PPARA: variants seen among roughly 807,000 people sequenced by gnomAD.
The protein encoded by PPARA is peroxisome proliferator activated receptor alpha, also known as peroxisome proliferator-activated receptor alpha.
In PPARA, 22 loss-of-function variants were observed where a neutral mutation model predicts 42.2. The ratio of observed to expected loss-of-function variants is 0.52; its 90% CI spans 0.37 to 0.74. The LOEUF is 0.74. Among genes scored for constraint, PPARA ranks in the 30% least tolerant of loss-of-function variants. The pLI is 0.00. For synonymous variants in PPARA, 242 were observed against 239.3 expected (o/e 1.01, Z -0.10); for missense variants, 465 against 608.2 (o/e 0.76, Z 2.48).
chr22:46,226,077 T>C (rs1246049833), intron 7 of PPARA, among the ~76,000 whole-genome samples: 1 of 151,822 alleles, frequency 6.6e-6, no homozygotes, highest in East Asian at 1.9e-4. Flanking sequence ...CATGCTCACA[T>C]GCATGTATAT....
intron 2 of PPARA, among the ~76,000 whole-genome samples, chr22:46,174,682 T>G (rs1983930483): frequency 6.6e-6 from 1 of 152,108 alleles, no homozygotes; most frequent in Non-Finnish European, 1.5e-5. Flanking sequence ...CCAGGCATCA[T>G]GGTTCGTGCC....
Position 46,177,430 on chromosome 22 carries a change from C to T in PPARA, c.-43+594C>T, listed in dbSNP as rs1929309696. ...AGTGAGCTGAGACCGTGCCACTGCA[C>T]TCCAGCCTGGGCAACAGAACAAGAC... On this transcript the variant is annotated intron_variant, in intron 3 of 8. Coordinates refer to ENST00000407236, the MANE Select transcript of PPARA (RefSeq NM_005036.6). 2.0e-5 allele frequency among the ~76,000 whole-genome samples: 3 copies of T among 148,942 alleles called. No homozygotes were observed. The South Asian group carries it at 6.4e-4, about 32-fold the overall frequency.
At chr22:46,205,221 T>C (rs1933112850) in intron 4 of PPARA, among the ~76,000 whole-genome samples, 1 of 151,146 alleles carries the variant, frequency 6.6e-6, no homozygotes, top group Non-Finnish European at 1.5e-5. Flanking sequence ...GGATACTTCA[T>C]TTATTTATTT....
In PPARA at chr22:46,171,612, G is replaced by C. The variant is rs1928052965; in HGVS notation, c.-126-5141G>C. 6.5e-6 allele frequency: 1 copy of C among 152,964 alleles called. No homozygotes were observed. Among genetic ancestry groups the C allele is most frequent in the Non-Finnish European group, 1.5e-5 (1 of 68,576 alleles). The allele number at this position is 152,964 out of a possible 1,614,324, so 9.5% of individuals were successfully genotyped here. A position where few individuals can be genotyped will look rare whatever the true frequency, so the allele number is the denominator to read the frequency against. On this transcript the variant is annotated intron_variant, in intron 2 of 8. Transcript: ENST00000407236. This position sits in a 1 kb window ranked among gnomAD's most constrained non-coding sequence, Gnocchi z 5.0. ...GAAGGGCTGGAAGCAGGTGAGAGCA[G>C]GTGGAGCAGACATCAGGATGGGAGC... is the stretch of plus-strand genomic sequence containing the variant.
Position 46,193,097 on chromosome 22 carries a change from C to T in PPARA, c.-42-5245C>T, listed in dbSNP as rs1460653876. ...TTGTTGTTGTTTTGAGACAGAGTCT[C>T]ACTCTGTCACCCAGGCTGGAGTGCA... On this transcript the variant is annotated intron_variant, in intron 3 of 8. Transcript: ENST00000407236. The surrounding 1 kb of genome is among the most constrained non-coding windows in gnomAD (Gnocchi z 5.3). Among the ~76,000 whole-genome samples the T allele has an allele frequency of 2.6e-5, 4 of 152,118 alleles. No homozygotes were observed. The highest frequency in any genetic ancestry group is 9.7e-5 in the African/African-American group (4 of 41,426).
chr22:46,220,206 T>C (rs1371863368), intron 7 of PPARA, 192 bp downstream of exon 7: 2 of 718,718 alleles, frequency 2.8e-6, no homozygotes, highest in South Asian at 1.6e-5. Flanking sequence ...TTCTTCTTGC[T>C]TGGAGCCACC....
Position 46,182,259 on chromosome 22 carries a change from A to T in PPARA, c.-43+5423A>T, listed in dbSNP as rs1490406741. Among the ~76,000 whole-genome samples, 1 of 152,254 alleles carries T rather than the reference A, an allele frequency of 6.6e-6. No homozygotes were observed. Among genetic ancestry groups the T allele is most frequent in the African/African-American group, 2.4e-5 (1 of 41,468 alleles). On this transcript the variant is annotated intron_variant, in intron 3 of 8. Transcript: ENST00000407236. The surrounding 1 kb of genome is among the most constrained non-coding windows in gnomAD (Gnocchi z 5.2). ...TATTCCATACAGAGTCTAGTCCTGAATGTCTATAGCTGCTTTATTTATAAT... is the reference window on the plus strand; with the variant it reads ...TATTCCATACAGAGTCTAGTCCTGATTGTCTATAGCTGCTTTATTTATAAT...
At chr22:46,153,965 T>C (rs981375206) in intron 2 of PPARA, among the ~76,000 whole-genome samples, 1 of 152,228 alleles carries the variant, frequency 6.6e-6, no homozygotes, top group Non-Finnish European at 1.5e-5. Flanking sequence ...GAGTAGGTTA[T>C]GAAAAATCTT....
chr22:46,231,770 A>G lies in PPARA; in HGVS notation c.712-22A>G. On this transcript the variant is annotated intron_variant, in intron 7 of 8. Coordinates refer to ENST00000407236, the MANE Select transcript of PPARA (RefSeq NM_005036.6). This position sits in a 1 kb window ranked among gnomAD's most constrained non-coding sequence, Gnocchi z 7.7. The stretch of plus-strand genomic sequence containing the variant: ...TAGCGCATCCCACATCACCTGACTT[A>G]CCTTGGTGTCCTCCTTTGTAGCCTT... 6.2e-7 allele frequency: 1 copy of G among 1,608,900 alleles called. No individual in the cohort carries two copies. The highest frequency in any genetic ancestry group is 8.5e-7 in the Non-Finnish European group (1 of 1,178,002).
At chr22:46,153,475 C>T (rs376558801) in intron 2 of PPARA, among the ~76,000 whole-genome samples, 11 of 152,168 alleles carry the variant, frequency 7.2e-5, no homozygotes, top group African/African-American at 1.9e-4. Context: ...GGCCCTTTTC[C>T]GACATCTTAA....
At chr22:46,178,851 T>G (rs1929546875) in intron 3 of PPARA, among the ~76,000 whole-genome samples, 1 of 152,150 alleles carries the variant, frequency 6.6e-6, no homozygotes, top group African/African-American at 2.4e-5. Flanking sequence ...ACATCAGGTG[T>G]GTACCAATGA....
In PPARA at chr22:46,171,489, A is replaced by G. The variant is rs881740; in HGVS notation, c.-126-5264A>G. 0.17 allele frequency: 25,890 copies of G among 152,882 alleles called. 2,692 individuals carry two copies. Among genetic ancestry groups the G allele is most frequent in the African/African-American group, 0.29 (11,980 of 41,490 alleles). The allele number at this position is 152,882 out of a possible 1,614,324, so 9.5% of individuals were successfully genotyped here. A position where few individuals can be genotyped will look rare whatever the true frequency, so the allele number is the denominator to read the frequency against. Reference sequence around the variant, plus strand: ...GTACAGTAGGAGGAGCAAGCCCAGGACAGGTGAGTGGGTCAAGGGTGCCAG... The same window carrying G: ...GTACAGTAGGAGGAGCAAGCCCAGGGCAGGTGAGTGGGTCAAGGGTGCCAG... On this transcript the variant is annotated intron_variant, in intron 2 of 8. Transcript: ENST00000407236. The surrounding 1 kb of genome is among the most constrained non-coding windows in gnomAD (Gnocchi z 5.0).
Position 46,190,267 on chromosome 22 carries a change from CAA to C in PPARA, c.-42-8073_-42-8072del, listed in dbSNP as rs1396900629. 1.3e-5 allele frequency among the ~76,000 whole-genome samples: 2 copies of C among 152,290 alleles called. No homozygotes were observed. The highest frequency in any genetic ancestry group is 3.9e-4 in the East Asian group (2 of 5,178). On this transcript the variant is annotated intron_variant, in intron 3 of 8. Transcript: ENST00000407236. The surrounding 1 kb of genome is among the most constrained non-coding windows in gnomAD (Gnocchi z 5.6). ...TGAGAAGACTTCCATCCTTTACCCT[CAA>C]AGTGTTCCATGAGGTTGGATCAGAC...
rs1205612305 is a variant in PPARA at position 46,212,250 on chromosome 22, T to A, written c.209-2923T>A. ...TTTTGTATTTTTTGTAAAGATAGGGTTTCACCATGTTGCCCAGGCTGGTCT... is the reference window on the plus strand; with the variant it reads ...TTTTGTATTTTTTGTAAAGATAGGGATTCACCATGTTGCCCAGGCTGGTCT... On this transcript the variant is annotated intron_variant, in intron 4 of 8. Transcript: ENST00000407236. This position sits in a 1 kb window ranked among gnomAD's most constrained non-coding sequence, Gnocchi z 4.2. Among the ~76,000 whole-genome samples the A allele has an allele frequency of 1.3e-5, 2 of 151,966 alleles. No homozygotes were observed. The highest frequency in any genetic ancestry group is 4.8e-5 in the African/African-American group (2 of 41,370).
At chr22:46,174,896 G>C (rs1413372553) in intron 2 of PPARA, among the ~76,000 whole-genome samples, 1 of 151,748 alleles carries the variant, frequency 6.6e-6, no homozygotes, top group East Asian at 1.9e-4. Flanking sequence ...AACATTTTTT[G>C]GATAATTGTA....
chr22:46,222,411 T>C lies in PPARA; in HGVS notation c.711+2397T>C, dbSNP rs1935075002. 6.6e-6 allele frequency among the ~76,000 whole-genome samples: 1 copy of C among 152,230 alleles called. No homozygotes were observed. Among genetic ancestry groups the C allele is most frequent in the South Asian group, 2.1e-4 (1 of 4,832 alleles). On this transcript the variant is annotated intron_variant, in intron 7 of 8. Coordinates refer to ENST00000407236, the MANE Select transcript of PPARA (RefSeq NM_005036.6). The surrounding 1 kb of genome is among the most constrained non-coding windows in gnomAD (Gnocchi z 5.9). ...CTTATTGGGAATTACAAGGTGGAAT[T>C]TTAGTCACAGGAAAATAAAGCATTT...
chr22:46,198,809 C>T (rs1195159571), intron 4 of PPARA, among the ~76,000 whole-genome samples: 4 of 151,852 alleles, frequency 2.6e-5, no homozygotes, highest in South Asian at 2.1e-4. Context: ...TACAGGTGCC[C>T]GCCACCACGC....
chr22:46,230,661 G>C lies in PPARA; in HGVS notation c.712-1131G>C, dbSNP rs536091279. 1.6e-4 allele frequency among the ~76,000 whole-genome samples: 24 copies of C among 152,316 alleles called. No homozygotes were observed. Among genetic ancestry groups the C allele is most frequent in the Non-Finnish European group, 2.9e-4 (20 of 68,014 alleles). ...GGGTTTACATGCAGATGGCATGGGA[G>C]CACACAAGGCACGGCTGTGGGGAGT... On this transcript the variant is annotated intron_variant, in intron 7 of 8. Coordinates refer to ENST00000407236, the MANE Select transcript of PPARA (RefSeq NM_005036.6). This position sits in a 1 kb window ranked among gnomAD's most constrained non-coding sequence, Gnocchi z 5.0.
At position 46,207,644 on chromosome 22, in the gene PPARA, T is replaced by TTTATTATTATTA. The variant is rs34052175; in HGVS notation, c.209-7505_209-7494dup. ...TATCTTCTTGTTTTTAATTAATTAA[T>TTTATTATTATTA]TTATTATTATTATTATTATTATTAT... On this transcript the variant is annotated intron_variant, in intron 4 of 8. Transcript: ENST00000407236. Among the ~76,000 whole-genome samples the TTTATTATTATTA allele has an allele frequency of 2.4e-4, 22 of 91,756 alleles. 2 individuals carry two copies. Among genetic ancestry groups the TTTATTATTATTA allele is most frequent in the South Asian group, 1.2e-3 (3 of 2,402 alleles). 60.2% of individuals were successfully genotyped at this position (91,756 alleles called of 152,430 possible). A position where few individuals can be genotyped will look rare whatever the true frequency, so the allele number is the denominator to read the frequency against.
Sources: allele counts gnomAD v4.1 joint callset (sites outside exome capture counted in the v4.1 genomes callset), GRCh38; gene constraint gnomAD v4.1.1; non-coding constraint Gnocchi (gnomAD v3.1); transcripts MANE v1.5; gene names NCBI Gene and HGNC (gene_info 2026-07-23, HGNC 2026-07-21).